Variants in TWIST1 observed in about 807,000 individuals in gnomAD.
TWIST1 encodes twist-related protein 1.
TWIST1 carries 8 observed loss-of-function variants against 12.9 expected under a neutral mutation model. The ratio of observed to expected loss-of-function variants is 0.62; its 90% CI spans 0.37 to 1.12. The LOEUF (loss-of-function observed/expected upper bound fraction) is 1.12, where lower values mean the gene tolerates loss of function less well. Among genes scored for constraint, TWIST1 ranks in the 50% most tolerant of loss-of-function variants. TWIST1 has a pLI of 0.02. For missense variants in TWIST1, 268 were observed against 299.7 expected (o/e 0.89, Z 0.78); for synonymous variants, 169 against 138.7 (o/e 1.22, Z -1.54).
intron 1 of TWIST1, 30 bp downstream of exon 1, chr7:19,116,641 G>C (rs1788572423): frequency 6.6e-7 from 1 of 1,510,574 alleles, no homozygotes; most frequent in Non-Finnish European, 8.9e-7. Flanking sequence ...CCACCTGAGA[G>C]GCGAAGGGGT....
Position 19,116,067 on chromosome 7 carries a change from T to A in TWIST1, c.*107A>T, listed in dbSNP as rs1037568067. ...GAAAATCTTTGGCATATATTTTTAT[T>A]TTTAGTTATCCAGCTCCAGAGTCTC... On this transcript the variant is annotated 3_prime_UTR_variant, in exon 2 of 2. Coordinates refer to ENST00000242261, the MANE Select transcript of TWIST1 (RefSeq NM_000474.4). 2.6e-5 allele frequency: 4 copies of A among 152,370 alleles called. No homozygotes were observed. The highest frequency in any genetic ancestry group is 9.7e-5 in the African/African-American group (4 of 41,376). The allele number at this position is 152,370 out of a possible 1,614,324, so 9.4% of individuals were successfully genotyped here.
intron 1 of TWIST1, 29 bp downstream of exon 1, chr7:19,116,642 G>A (rs1788572467): frequency 3.3e-6 from 5 of 1,511,698 alleles, no homozygotes; most frequent in East Asian, 4.9e-5. Flanking sequence ...CACCTGAGAG[G>A]CGAAGGGGTG....
In TWIST1 at chr7:19,116,657, G is replaced by A. The variant is rs1404092693; in HGVS notation, c.*42+14C>T. Reference sequence around the variant, plus strand: ...CACCTGAGAGGCGAAGGGGTGCAGCGGCGCGGTCCTTACCTAGGTCTCCGG... The same window carrying A: ...CACCTGAGAGGCGAAGGGGTGCAGCAGCGCGGTCCTTACCTAGGTCTCCGG... On this transcript the variant is annotated intron_variant, in intron 1 of 1. Coordinates refer to ENST00000242261, the MANE Select transcript of TWIST1 (RefSeq NM_000474.4). The A allele has an allele frequency of 1.3e-6, 2 of 1,538,762 alleles. No homozygotes were observed. The highest frequency in any genetic ancestry group is 4.9e-5 in the East Asian group (2 of 41,096).
At position 19,117,130 on chromosome 7, in the gene TWIST1, GTC is replaced by G; in HGVS notation, c.190_191del (p.Asp64ArgfsTer173). On this transcript the variant is annotated frameshift_variant, in exon 1 of 2. Transcript: ENST00000242261. LOFTEE classifies it high-confidence loss of function. ...GAAGGGVGGG[D>X]EPGSPAQGKR... ...TGCCCTGGGCCGGGCTGCCCGGCTC[GTC>G]GCCGCCTCCGACGCCCCCACCCGCG... 1 of 1,121,800 alleles carries G rather than the reference GTC, an allele frequency of 8.9e-7. No individual in the cohort carries two copies. The highest frequency in any genetic ancestry group is 1.1e-6 in the Non-Finnish European group (1 of 918,866). The allele number at this position is 1,121,800 out of a possible 1,614,324, so 69.5% of individuals were successfully genotyped here. A position where few individuals can be genotyped will look rare whatever the true frequency, so the allele number is the denominator to read the frequency against.
chr7:19,117,498 G>GAGGGAGGCGGGA lies in TWIST1; in HGVS notation c.-189_-178dup. On this transcript the variant is annotated 5_prime_UTR_variant, in exon 1 of 2. Coordinates refer to ENST00000242261, the MANE Select transcript of TWIST1 (RefSeq NM_000474.4). ...GGGGAGGGCGCGCGGGGGAGGCGGG[G>GAGGGAGGCGGGA]AGGGAGGCGGGAGGGGGAGGGGACG... The GAGGGAGGCGGGA allele has an allele frequency of 8.4e-7, 1 of 1,190,418 alleles. No individual in the cohort carries two copies. The highest frequency in any genetic ancestry group is 1.6e-5 in the African/African-American group (1 of 61,632). The allele number at this position is 1,190,418 out of a possible 1,614,324, so 73.7% of individuals were successfully genotyped here.
downstream of TWIST1, among the ~76,000 whole-genome samples, chr7:19,114,715 G>C (rs1039925779): frequency 4.6e-5 from 7 of 152,098 alleles, no homozygotes; most frequent in Admixed American, 2.6e-4. Context: ...TAACTGCATA[G>C]CTGTAGTATT....
rs987093520 is a variant in TWIST1, at chr7:19,115,672, T to C, written c.*502A>G. Reference sequence around the variant, plus strand: ...AGGAAGGATGAAAAAAAGAATTAACTGACTATGGTTTTGCAGGCCAGTTTG... The same window carrying C: ...AGGAAGGATGAAAAAAAGAATTAACCGACTATGGTTTTGCAGGCCAGTTTG... On this transcript the variant is annotated 3_prime_UTR_variant, in exon 2 of 2. Transcript: ENST00000242261. 2.0e-5 allele frequency: 3 copies of C among 152,280 alleles called. No individual in the cohort carries two copies. The highest frequency in any genetic ancestry group is 1.3e-4 in the Admixed American group (2 of 15,264). 9.4% of individuals were successfully genotyped at this position (152,280 alleles called of 1,614,324 possible).
rs1788597801 is a variant in TWIST1 at position 19,117,364 on chromosome 7, G to A, written c.-43C>T. On this transcript the variant is annotated 5_prime_UTR_variant, in exon 1 of 2. Coordinates refer to ENST00000242261, the MANE Select transcript of TWIST1 (RefSeq NM_000474.4). ...GTGGCCTCGCGGGCCCGGGGCAGAG[G>A]AGAAGAGCGGGGCGCCTCAGCCCGC... The A allele has an allele frequency of 4.3e-6, 6 of 1,396,174 alleles. No individual in the cohort carries two copies. The highest frequency in any genetic ancestry group is 3.3e-5 in the East Asian group (1 of 30,362). 86.5% of individuals were successfully genotyped at this position (1,396,174 alleles called of 1,614,324 possible).
In TWIST1 at chr7:19,117,562, C is replaced by T. The variant is rs1355155523; in HGVS notation, c.-241G>A. ...CGAGGTCCAAAAAGAAAGCGCCCAA[C>T]GGCTGGACGCACACCCCGCCAGGCC... is the stretch of plus-strand genomic sequence containing the variant. On this transcript the variant is annotated 5_prime_UTR_variant, in exon 1 of 2. Transcript: ENST00000242261. 3.6e-6 allele frequency: 4 copies of T among 1,122,704 alleles called. No homozygotes were observed. Among genetic ancestry groups the T allele is most frequent in the African/African-American group, 3.3e-5 (2 of 60,176 alleles). 69.5% of individuals were successfully genotyped at this position (1,122,704 alleles called of 1,614,324 possible).
At chr7:19,113,056 CT>C (rs1788501371), downstream of TWIST1, 1 of 152,144 alleles carries the variant, frequency 6.6e-6, no homozygotes, top group African/African-American at 2.4e-5. Flanking sequence ...GTTTCTGCTC[CT>C]TAACATTATT....
At chr7:19,113,372 GCTT>G (rs774374797), downstream of TWIST1, 13 of 152,194 alleles carry the variant, frequency 8.5e-5, no homozygotes, top group Admixed American at 3.9e-4. Flanking sequence ...GAAAGCCTTA[GCTT>G]CTTATTTCCG....
intron 1 of TWIST1, 80 bp downstream of exon 1, chr7:19,116,591 A>G: frequency 1.8e-6 from 2 of 1,116,936 alleles, no homozygotes; most frequent in South Asian, 3.0e-5. Context: ...GAGGAAATCG[A>G]GGTGGACTGG....
downstream of TWIST1, chr7:19,113,159 A>G (rs963982843): frequency 6.6e-6 from 1 of 152,236 alleles, no homozygotes; most frequent in Non-Finnish European, 1.5e-5. Flanking sequence ...AAAAGGGGAA[A>G]TGTGCATATG....
chr7:19,117,471 G>A lies in TWIST1; in HGVS notation c.-150C>T. On this transcript the variant is annotated 5_prime_UTR_variant, in exon 1 of 2. Transcript: ENST00000242261. Reference sequence around the variant, plus strand: ...AGGAGGACGGACGGGAGGGACCTCCGCGGGGAGGGCGCGCGGGGGAGGCGG... The same window carrying A: ...AGGAGGACGGACGGGAGGGACCTCCACGGGGAGGGCGCGCGGGGGAGGCGG... 1.3e-5 allele frequency: 15 copies of A among 1,188,634 alleles called. No homozygotes were observed. The highest frequency in any genetic ancestry group is 1.6e-5 in the Non-Finnish European group (15 of 954,488). 73.6% of individuals were successfully genotyped at this position (1,188,634 alleles called of 1,614,324 possible). A position where few individuals can be genotyped will look rare whatever the true frequency, so the allele number is the denominator to read the frequency against.
At position 19,117,322 on chromosome 7, in the gene TWIST1, C is replaced by A. The variant is rs1788596390; in HGVS notation, c.-1G>T. 6.8e-7 allele frequency: 1 copy of A among 1,465,962 alleles called. No homozygotes were observed. The highest frequency in any genetic ancestry group is 1.3e-5 in the South Asian group (1 of 78,176). 90.8% of individuals were successfully genotyped at this position (1,465,962 alleles called of 1,614,324 possible). A position where few individuals can be genotyped will look rare whatever the true frequency, so the allele number is the denominator to read the frequency against. On this transcript the variant is annotated 5_prime_UTR_variant, in exon 1 of 2. Transcript: ENST00000242261. ...GCGAGCTGGACACGTCCTGCATCAT[C>A]TCTCGAGCGGCGACGCGTGGCCTCG...
downstream of TWIST1, chr7:19,113,316 T>C (rs1335912745): frequency 6.6e-6 from 1 of 152,194 alleles, no homozygotes; most frequent in Non-Finnish European, 1.5e-5. Context: ...CCCTAGCAAA[T>C]GCATTCTGAA....
rs757121861 is a variant in TWIST1 at position 19,116,917 on chromosome 7, G to A, written c.405C>T (p.Ile135=). The change falls in exon 1 of 2, where the codon ATC becomes ATT. Residue 135 remains isoleucine, a synonymous_variant. Transcript: ENST00000242261. ...TCAGCTTGTCCGAGGGCAGCGTGGG[G>A]ATGATCTTCCGCAGCGCGGCGAACG... ...NEAFAALRKI[I]PTLPSDKLSK... 6.8e-6 allele frequency: 11 copies of A among 1,614,110 alleles called. No homozygotes were observed. Among genetic ancestry groups the A allele is most frequent in the Non-Finnish European group, 9.3e-6 (11 of 1,179,994 alleles).
chr7:19,117,362 A>G lies in TWIST1; in HGVS notation c.-41T>C. On this transcript the variant is annotated 5_prime_UTR_variant, in exon 1 of 2. Coordinates refer to ENST00000242261, the MANE Select transcript of TWIST1 (RefSeq NM_000474.4). ...GCGTGGCCTCGCGGGCCCGGGGCAG[A>G]GGAGAAGAGCGGGGCGCCTCAGCCC... The G allele has an allele frequency of 7.1e-7, 1 of 1,400,410 alleles. No individual in the cohort carries two copies. The highest frequency in any genetic ancestry group is 2.5e-5 in the Admixed American group (1 of 39,302). The allele number at this position is 1,400,410 out of a possible 1,614,324, so 86.7% of individuals were successfully genotyped here.
chr7:19,116,609 G>A (rs1788571741), intron 1 of TWIST1, 62 bp downstream of exon 1: 1 of 1,329,988 alleles, frequency 7.5e-7, no homozygotes, highest in Non-Finnish European at 1.0e-6. Flanking sequence ...TGGGAACCGC[G>A]GCCTGGCCGG....
Sources: gnomAD v4.1 joint callset for allele counts (sites outside exome capture counted in the v4.1 genomes callset) on GRCh38, gnomAD v4.1.1 for gene constraint, MANE v1.5 for transcripts, NCBI Gene and HGNC (gene_info 2026-07-23, HGNC 2026-07-21) for gene names.